The following MDM1 variants were observed in gnomAD, a reference collection of about 807,000 sequenced individuals.
MDM1 encodes stabilizer of axonemal microtubules 6.
Under a neutral mutation model 89.1 loss-of-function variants are expected in MDM1, and 61 were observed. The ratio of observed to expected loss-of-function variants is 0.68; its 90% CI spans 0.56 to 0.85. The LOEUF (loss-of-function observed/expected upper bound fraction) is 0.85. Among genes scored for constraint, MDM1 ranks in the 40% least tolerant of loss-of-function variants. MDM1 has a pLI of 0.00. For missense variants in MDM1, 820 were observed against 846.5 expected, an observed-to-expected ratio of 0.97 and a Z score of 0.39; for synonymous variants, 290 against 294.1, an observed-to-expected ratio of 0.99 and a Z score of 0.14.
chr12:68,322,974 T>A (rs1056266820), intron 5 of MDM1, 99 bp downstream of exon 5: 1 of 1,183,502 alleles, frequency 8.4e-7, no homozygotes, highest in Non-Finnish European at 1.2e-6. Flanking sequence ...AATGAACTAG[T>A]GAAAACCAAA....
At chr12:68,314,461 G>T (rs1874184243) in intron 10 of MDM1, among the ~76,000 whole-genome samples, 1 of 152,124 alleles carries the variant, frequency 6.6e-6, no homozygotes, top group Non-Finnish European at 1.5e-5. Flanking sequence ...AAAGGATTTA[G>T]ATTATAGACA....
intron 5 of MDM1, among the ~76,000 whole-genome samples, chr12:68,321,931 C>A (rs1015635051): frequency 6.6e-6 from 1 of 152,132 alleles, no homozygotes; most frequent in African/African-American, 2.4e-5. Flanking sequence ...AATAATGTTA[C>A]CACATACTGA....
Position 68,321,644 on chromosome 12 carries a change from T to C in MDM1, c.802-16A>G, listed in dbSNP as rs1178727048. On this transcript the variant is annotated splice_polypyrimidine_tract_variant and intron_variant, in intron 5 of 14. Transcript: ENST00000682720. ...TTTTATTACTCTGAAATGGAAATCA[T>C]TTAAGCTTTTTATGCTTAAGATGTT... 6.5e-7 allele frequency: 1 copy of C among 1,536,442 alleles called. No individual in the cohort carries two copies. The highest frequency in any genetic ancestry group is 1.1e-5 in the South Asian group (1 of 87,594).
At position 68,315,075 on chromosome 12, in the gene MDM1, C is replaced by A. The variant is rs377121843; in HGVS notation, c.1402G>T (p.Gly468Trp). ...TTGTCGTCCTCCTCCTCTTTCTCCCCGGGCTGTTTCTGTACGTCTTCACTT... is the reference window on the plus strand; with the variant it reads ...TTGTCGTCCTCCTCCTCTTTCTCCCAGGGCTGTTTCTGTACGTCTTCACTT... ...NTSEDVQKQPGEKEEEDDNEE... is the reference protein window; with the variant it reads ...NTSEDVQKQPWEKEEEDDNEE... The change falls in exon 10 of 15, where the codon GGG (glycine) becomes TGG (tryptophan). Residue 468 changes from glycine (G) to tryptophan (W), a missense_variant. Physicochemically the swap from Gly to Trp is radical, Grantham distance 184. Transcript: ENST00000682720. 3 of 1,613,968 alleles carry A rather than the reference C, an allele frequency of 1.9e-6. No homozygotes were observed. Among genetic ancestry groups the A allele is most frequent in the Non-Finnish European group, 1.7e-6 (2 of 1,180,024 alleles).
intron 4 of MDM1, chr12:68,325,050 C>T (rs1405160221): frequency 4.1e-6 from 4 of 973,346 alleles, no homozygotes; most frequent in East Asian, 1.1e-4. Flanking sequence ...AAAGCAGTTA[C>T]GCCTTTCTTA....
chr12:68,313,819 T>C, intron 10 of MDM1, 66 bp from the exon 11 acceptor site: 2 of 1,334,170 alleles, frequency 1.5e-6, no homozygotes, highest in East Asian at 2.3e-5. Context: ...AAAAAATACT[T>C]TGCCATCATT....
intron 3 of MDM1, chr12:68,325,814 C>T (rs1468000873): frequency 8.9e-7 from 1 of 1,121,996 alleles, no homozygotes; most frequent in African/African-American, 1.6e-5. Flanking sequence ...GACTATTAGG[C>T]ATCCCAGGAA....
At chr12:68,313,920 T>C (rs1484045878) in intron 10 of MDM1, among the ~76,000 whole-genome samples, 167 bp from the exon 11 acceptor site, 3 of 152,108 alleles carry the variant, frequency 2.0e-5, no homozygotes, top group African/African-American at 7.2e-5. Flanking sequence ...GGCGGGCGGA[T>C]CAGGAGATCG....
At chr12:68,325,397 A>G (rs1243094610) in intron 4 of MDM1, 44 bp downstream of exon 4, 2 of 1,434,900 alleles carry the variant, frequency 1.4e-6, no homozygotes, top group African/African-American at 2.9e-5. Flanking sequence ...ACATTACTAG[A>G]TAAGATAATG....
intron 4 of MDM1, among the ~76,000 whole-genome samples, chr12:68,324,631 G>A (rs1464222862): frequency 1.3e-5 from 2 of 152,052 alleles, no homozygotes; most frequent in Admixed American, 6.5e-5. Flanking sequence ...GAATGTTGAC[G>A]TACAGGAGAA....
chr12:68,313,271 C>T (rs1873946950), intron 12 of MDM1, among the ~76,000 whole-genome samples, 172 bp downstream of exon 12: 1 of 152,194 alleles, frequency 6.6e-6, no homozygotes, highest in Non-Finnish European at 1.5e-5. Context: ...AAACGTAATG[C>T]TTCTAACAGA....
intron 12 of MDM1, among the ~76,000 whole-genome samples, chr12:68,308,127 CT>C (rs774192759): frequency 0.04 from 5,573 of 138,778 alleles, 275 homozygotes; most frequent in African/African-American, 0.13. Flanking sequence ...GCTGTTCCTT[CT>C]TTTTTTTTTT....
chr12:68,313,830 G>T, intron 10 of MDM1, 77 bp from the exon 11 acceptor site: 3 of 1,271,394 alleles, frequency 2.4e-6, no homozygotes, highest in East Asian at 2.3e-5. Flanking sequence ...TGCCATCATT[G>T]TGCAATAATA....
At chr12:68,308,948 A>C (rs1873311894) in intron 12 of MDM1, among the ~76,000 whole-genome samples, 1 of 152,030 alleles carries the variant, frequency 6.6e-6, no homozygotes, top group South Asian at 2.1e-4. Flanking sequence ...AGTTTCATCC[A>C]CTTCTGTCTA....
rs374168742 is a variant in MDM1, at chr12:68,331,129, A to C, written c.111T>G (p.Ala37=). The change falls in exon 2 of 15, where the codon GCT becomes GCG. Residue 37 remains alanine, a synonymous_variant. Transcript: ENST00000682720. ...TACCTAATTGATCTGATCTAAGTCC[A>C]GCCCATGGGTACTTTCGCCCCACGG... is the stretch of plus-strand genomic sequence containing the variant. ...NSSVGRKYPW[A]GLRSDQLGIT... 1.4e-5 allele frequency: 23 copies of C among 1,604,508 alleles called. No individual in the cohort carries two copies. In the East Asian group the frequency reaches 3.8e-4, roughly 26 times the overall value.
At chr12:68,327,559 T>G in intron 2 of MDM1, 4 of 1,484,932 alleles carry the variant, frequency 2.7e-6, no homozygotes, top group Non-Finnish European at 3.6e-6. Context: ...TAAGATACAA[T>G]TTCTCTATAT....
At chr12:68,313,924 G>A (rs1874080977) in intron 10 of MDM1, among the ~76,000 whole-genome samples, 171 bp from the exon 11 acceptor site, 1 of 152,186 alleles carries the variant, frequency 6.6e-6, no homozygotes, top group African/African-American at 2.4e-5. Context: ...GGCGGATCAG[G>A]AGATCGAGAC....
At chr12:68,316,526 G>A in intron 8 of MDM1, 55 bp downstream of exon 8, 8 of 1,405,916 alleles carry the variant, frequency 5.7e-6, no homozygotes, top group Non-Finnish European at 7.7e-6. Context: ...TATTCCAACT[G>A]AAATTACACA....
intron 4 of MDM1, 151 bp downstream of exon 4, chr12:68,325,290 G>A: frequency 9.0e-6 from 12 of 1,333,620 alleles, no homozygotes; most frequent in Non-Finnish European, 1.2e-5. Context: ...TAAGTAATAG[G>A]ATGATTTTAG....
Sources: gnomAD v4.1 joint callset for allele counts (sites outside exome capture counted in the v4.1 genomes callset) on GRCh38, gnomAD v4.1.1 for gene constraint, MANE v1.5 for transcripts, NCBI Gene and HGNC (gene_info 2026-07-23, HGNC 2026-07-21) for gene names.